TRAP1: variants seen among roughly 807,000 people sequenced by gnomAD.
TRAP1 encodes heat shock protein 75 kDa, mitochondrial.
Under a neutral mutation model 89.1 loss-of-function variants are expected in TRAP1, and 102 were observed. That is an observed-to-expected ratio of 1.15 (90% confidence interval 0.98 to 1.35). The LOEUF is 1.35. Among genes scored for constraint, TRAP1 ranks in the 40% most tolerant of loss-of-function variants. TRAP1 has a pLI of 0.00. For missense variants in TRAP1, 1,256 were observed against 945.3 expected (o/e 1.33, Z -4.31); for synonymous variants, 508 against 388.0 (o/e 1.31, Z -3.64).
intron 1 of TRAP1, among the ~76,000 whole-genome samples, chr16:3,713,133 G>A (rs542131514): frequency 1.3e-5 from 2 of 152,194 alleles, no homozygotes; most frequent in South Asian, 4.1e-4. Flanking sequence ...AGTCGCAACT[G>A]ACCAGCAAGT....
At chr16:3,662,575 A>G in intron 15 of TRAP1, 1 of 598,786 alleles carries the variant, frequency 1.7e-6, no homozygotes, top group Admixed American at 2.2e-5. Flanking sequence ...GGGCTGGGGT[A>G]GCATGTCCCT....
intron 1 of TRAP1, 61 bp from the exon 2 acceptor site, chr16:3,691,046 A>G: frequency 7.2e-7 from 1 of 1,395,562 alleles, no homozygotes; most frequent in African/African-American, 1.5e-5. Flanking sequence ...CAATATGGTA[A>G]TTCGTCCCAT....
At chr16:3,712,434 T>C (rs1467132545) in intron 1 of TRAP1, among the ~76,000 whole-genome samples, 1 of 152,014 alleles carries the variant, frequency 6.6e-6, no homozygotes, top group African/African-American at 2.4e-5. Context: ...AGTAAATGTT[T>C]ATTTTCCCAC....
intron 11 of TRAP1, among the ~76,000 whole-genome samples, chr16:3,669,637 A>AGTG (rs1226650518): frequency 1.7e-4 from 26 of 151,908 alleles, no homozygotes; most frequent in Non-Finnish European, 2.1e-4. Context: ...GATCAAGACC[A>AGTG]TCCCGGCTAA....
chr16:3,698,609 C>T (rs1280868622), intron 1 of TRAP1, among the ~76,000 whole-genome samples: 1 of 150,946 alleles, frequency 6.6e-6, no homozygotes, highest in Non-Finnish European at 1.5e-5. Context: ...GCTTCTACAA[C>T]AACTTTTAAT....
intron 6 of TRAP1, 97 bp downstream of exon 6, chr16:3,677,401 G>C (rs575893620): frequency 1.1e-4 from 160 of 1,494,742 alleles, no homozygotes; most frequent in Non-Finnish European, 1.4e-4. Flanking sequence ...CCCAGAAAAT[G>C]CCTGTGTACG....
chr16:3,669,776 T>A (rs888573333), intron 11 of TRAP1, among the ~76,000 whole-genome samples: 1 of 135,534 alleles, frequency 7.4e-6, no homozygotes, highest in East Asian at 2.1e-4. Flanking sequence ...GAGCTTGCAG[T>A]GAGCCGAGAT....
rs774842639 is a variant in TRAP1 at position 3,689,102 on chromosome 16, T to C, written c.283A>G (p.Lys95Glu). 57 of 1,613,772 alleles carry C rather than the reference T, an allele frequency of 3.5e-5. No homozygotes were observed. The highest frequency in any genetic ancestry group is 4.6e-5 in the Non-Finnish European group (54 of 1,180,014). Residue 95 changes from lysine (K) to glutamate (E), a missense_variant, in exon 3 of 18, where the codon AAG becomes GAG. Lys to Glu is a moderately conservative substitution (Grantham distance 56). Transcript: ENST00000246957. ...CGGGCAACAATGTCCAAAAGCTTCT[T>C]TGTCTCGGCCTGGAACTCATGTTTG... ...TSKHEFQAET[K>E]KLLDIVARSL...
intron 7 of TRAP1, 49 bp downstream of exon 7, chr16:3,675,987 A>G: frequency 6.6e-7 from 1 of 1,526,370 alleles, no homozygotes; most frequent in Non-Finnish European, 9.0e-7. Context: ...GGTGGCCTCC[A>G]GGCCACACAT....
intron 1 of TRAP1, among the ~76,000 whole-genome samples, chr16:3,703,152 C>T (rs1020485241): frequency 1.3e-5 from 2 of 149,360 alleles, no homozygotes; most frequent in African/African-American, 5.0e-5. Flanking sequence ...ACATAAGAGA[C>T]CCCAGGAACA....
At chr16:3,697,850 G>T (rs906261504) in intron 1 of TRAP1, among the ~76,000 whole-genome samples, 1 of 150,798 alleles carries the variant, frequency 6.6e-6, no homozygotes, top group Non-Finnish European at 1.5e-5. Context: ...GTGAAATGGC[G>T]TGATCTCGGC....
intron 4 of TRAP1, among the ~76,000 whole-genome samples, chr16:3,681,329 G>T (rs575587866): frequency 1.3e-5 from 2 of 152,338 alleles, no homozygotes; most frequent in South Asian, 2.1e-4. Flanking sequence ...CATTGGCAAA[G>T]CAAGGGTGGT....
chr16:3,695,651 T>C (rs1439620417), intron 1 of TRAP1, among the ~76,000 whole-genome samples: 6 of 151,878 alleles, frequency 4.0e-5, no homozygotes, highest in Admixed American at 2.0e-4. Flanking sequence ...GCTGTGACGA[T>C]GACATCACCA....
chr16:3,692,011 G>A (rs532318461), intron 1 of TRAP1, among the ~76,000 whole-genome samples: 19 of 152,062 alleles, frequency 1.2e-4, no homozygotes, highest in Non-Finnish European at 2.6e-4. Flanking sequence ...GGACTGGACC[G>A]ACCCAACACC....
intron 12 of TRAP1, chr16:3,664,713 G>T: frequency 2.2e-6 from 1 of 461,570 alleles, no homozygotes; most frequent in East Asian, 4.3e-5. Flanking sequence ...AGGGAGCTAC[G>T]CGCACCACGC....
intron 1 of TRAP1, among the ~76,000 whole-genome samples, chr16:3,714,374 G>A (rs1320704392): frequency 6.6e-6 from 1 of 152,170 alleles, no homozygotes; most frequent in Non-Finnish European, 1.5e-5. Flanking sequence ...AATATTCTGA[G>A]GGTAGGCCAG....
At chr16:3,690,140 G>A (rs1409609848) in intron 2 of TRAP1, among the ~76,000 whole-genome samples, 1 of 151,942 alleles carries the variant, frequency 6.6e-6, no homozygotes, top group Non-Finnish European at 1.5e-5. Context: ...TCAAGTACCT[G>A]GAACCACTGG....
At position 3,676,969 on chromosome 16, in the gene TRAP1, G is replaced by T. The variant is rs575545027; in HGVS notation, c.704+529C>A. 9 of 155,222 alleles carry T rather than the reference G, an allele frequency of 5.8e-5. No individual in the cohort carries two copies. In the South Asian group the frequency reaches 1.8e-3, roughly 30 times the overall value. 9.6% of individuals were successfully genotyped at this position (155,222 alleles called of 1,614,324 possible). On this transcript the variant is annotated intron_variant, in intron 6 of 17. Transcript: ENST00000246957. ...CTCAGGAGGCTGAGGCAGGCCAATTGCTTGAACCTGGGAGGCGGAGGTGGC... is the reference window on the plus strand; with the variant it reads ...CTCAGGAGGCTGAGGCAGGCCAATTTCTTGAACCTGGGAGGCGGAGGTGGC...
chr16:3,696,387 T>A (rs2051287554), intron 1 of TRAP1, among the ~76,000 whole-genome samples: 1 of 151,998 alleles, frequency 6.6e-6, no homozygotes, highest in Non-Finnish European at 1.5e-5. Context: ...CGAACGACAA[T>A]AATGGATTGT....
Sources: gnomAD v4.1 joint callset for allele counts (sites outside exome capture counted in the v4.1 genomes callset) on GRCh38, gnomAD v4.1.1 for gene constraint, MANE v1.5 for transcripts, NCBI Gene and HGNC (gene_info 2026-07-23, HGNC 2026-07-21) for gene names.